The following TMEM117 variants were observed in gnomAD, a reference collection of about 807,000 sequenced individuals.
The protein encoded by TMEM117 is transmembrane protein 117.
A neutral mutation model predicts 52.4 loss-of-function variants in TMEM117; 27 were observed. That is an observed-to-expected ratio of 0.51 (90% CI 0.38 to 0.71). The LOEUF (loss-of-function observed/expected upper bound fraction) is 0.71, where lower values mean the gene tolerates loss of function less well. Among genes scored for constraint, TMEM117 ranks in the 30% least tolerant of loss-of-function variants. The pLI is 0.00. For synonymous variants in TMEM117, 215 were observed against 206.3 expected, an observed-to-expected ratio of 1.04 and a Z score of -0.36; for missense variants, 556 against 630.5, an observed-to-expected ratio of 0.88 and a Z score of 1.26.
Position 44,138,060 on chromosome 12 carries a change from G to A in TMEM117, c.411-5465G>A, listed in dbSNP as rs992914383. 4.6e-5 allele frequency among the ~76,000 whole-genome samples: 7 copies of A among 152,076 alleles called. No individual in the cohort carries two copies. The South Asian group carries it at 1.5e-3, about 32-fold the overall frequency. On this transcript the variant is annotated intron_variant, in intron 3 of 7. Transcript: ENST00000266534. ...TTTTTATTCCCACTATATAGATAAG[G>A]AAATGGATGATTATCAAAGTTGATC...
At chr12:44,330,372 A>G (rs933091863) in intron 6 of TMEM117, among the ~76,000 whole-genome samples, 2 of 152,056 alleles carry the variant, frequency 1.3e-5, no homozygotes, top group Non-Finnish European at 2.9e-5. Flanking sequence ...GCTCTGTCCA[A>G]TGGAAATACA....
chr12:44,002,321 G>T (rs116930600), intron 3 of TMEM117, among the ~76,000 whole-genome samples: 4,149 of 152,276 alleles, frequency 0.027, 79 homozygotes, highest in Middle Eastern at 0.058. Flanking sequence ...CCTAATGGAG[G>T]CCTTGGAGAT....
At chr12:44,172,679 GT>G (rs1356044503) in intron 4 of TMEM117, among the ~76,000 whole-genome samples, 1 of 152,142 alleles carries the variant, frequency 6.6e-6, no homozygotes, top group Non-Finnish European at 1.5e-5. Flanking sequence ...GTGTGCATGT[GT>G]TTTTAATTTC....
intron 7 of TMEM117, among the ~76,000 whole-genome samples, chr12:44,386,262 G>T (rs1436235666): frequency 6.6e-6 from 1 of 152,094 alleles, no homozygotes; most frequent in African/African-American, 2.4e-5. Context: ...TGTTCTACAC[G>T]GAGTCTGTTA....
intron 6 of TMEM117, among the ~76,000 whole-genome samples, chr12:44,320,173 AC>A (rs1199636564): frequency 1.3e-5 from 2 of 152,136 alleles, no homozygotes; most frequent in Non-Finnish European, 2.9e-5. Flanking sequence ...AGTCACTCAC[AC>A]CAAAAAACCT....
intron 3 of TMEM117, among the ~76,000 whole-genome samples, chr12:44,019,614 T>C (rs1592445816): frequency 6.6e-6 from 1 of 152,236 alleles, no homozygotes; most frequent in African/African-American, 2.4e-5. Context: ...TCAAGTTTTA[T>C]GTAATGTTAT....
chr12:43,917,161 G>C (rs1944617948), intron 2 of TMEM117, among the ~76,000 whole-genome samples: 1 of 151,594 alleles, frequency 6.6e-6, no homozygotes, highest in Non-Finnish European at 1.5e-5. Flanking sequence ...TGGAGGCCAT[G>C]GTGGGAAGAT....
At chr12:44,021,351 T>A (rs1946453034) in intron 3 of TMEM117, among the ~76,000 whole-genome samples, 1 of 152,176 alleles carries the variant, frequency 6.6e-6, no homozygotes. Flanking sequence ...CACTTGTAAG[T>A]GAGAACGTGC....
intron 3 of TMEM117, among the ~76,000 whole-genome samples, chr12:44,129,806 A>C (rs1485516367): frequency 6.6e-6 from 1 of 152,214 alleles, no homozygotes; most frequent in South Asian, 2.1e-4. Flanking sequence ...AGAAACTGAA[A>C]CAATCTAGTT....
the TMEM117 span, among the ~76,000 whole-genome samples, chr12:43,827,924 C>A: frequency 6.6e-6 from 1 of 152,058 alleles, no homozygotes; most frequent in Non-Finnish European, 1.5e-5. Flanking sequence ...GAAGAGAGGA[C>A]GCGTGAAGAT....
chr12:44,245,154 A>G (rs1950112998), intron 5 of TMEM117, among the ~76,000 whole-genome samples: 2 of 152,012 alleles, frequency 1.3e-5, no homozygotes, highest in African/African-American at 4.8e-5. Flanking sequence ...TTGGATCAAG[A>G]CTGCTTTGAC....
At chr12:44,260,757 C>T (rs1367651281) in intron 5 of TMEM117, among the ~76,000 whole-genome samples, 1 of 152,172 alleles carries the variant, frequency 6.6e-6, no homozygotes, top group Non-Finnish European at 1.5e-5. Context: ...ATCCTCCACC[C>T]CTTCCCACCC....
At chr12:44,118,201 CAAAT>C (rs1250359480) in intron 3 of TMEM117, among the ~76,000 whole-genome samples, 1 of 151,976 alleles carries the variant, frequency 6.6e-6, no homozygotes, top group African/African-American at 2.4e-5. Flanking sequence ...TGAAGAAAGA[CAAAT>C]AAATAAAAGG....
At chr12:44,352,550 G>GT (rs1951579252) in intron 6 of TMEM117, among the ~76,000 whole-genome samples, 1 of 152,052 alleles carries the variant, frequency 6.6e-6, no homozygotes, top group South Asian at 2.1e-4. Flanking sequence ...GCAGTGTTTG[G>GT]TTTTTTGTCC....
chr12:44,008,783 CT>C, intron 3 of TMEM117: 5 of 443,244 alleles, frequency 1.1e-5, no homozygotes, highest in South Asian at 3.8e-5. Flanking sequence ...CTGAATGAAT[CT>C]TTTTCCACAT....
chr12:43,805,983 C>A, the TMEM117 span: 20 of 1,541,182 alleles, frequency 1.3e-5, no homozygotes, highest in Non-Finnish European at 1.7e-5. Context: ...TTCCTTCGCT[C>A]CCCCGAATTT....
chr12:44,312,268 C>G (rs994235346), intron 6 of TMEM117, among the ~76,000 whole-genome samples: 3 of 151,998 alleles, frequency 2.0e-5, no homozygotes, highest in Admixed American at 6.6e-5. Flanking sequence ...CCCTTCCCTT[C>G]CCTCTCTAGT....
chr12:44,008,985 G>A (rs1166346554), intron 3 of TMEM117: 1 of 367,046 alleles, frequency 2.7e-6, no homozygotes, highest in Non-Finnish European at 5.4e-6. Context: ...TAGGTCTTCT[G>A]TTTAGTGTGA....
At chr12:44,101,110 G>A (rs1217286355) in intron 3 of TMEM117, among the ~76,000 whole-genome samples, 2 of 151,814 alleles carry the variant, frequency 1.3e-5, no homozygotes, top group Admixed American at 6.6e-5. Context: ...TTTTAGAAGA[G>A]CACTAATCCC....
Sources: gnomAD v4.1 joint callset for allele counts (sites outside exome capture counted in the v4.1 genomes callset) on GRCh38, gnomAD v4.1.1 for gene constraint, MANE v1.5 for transcripts, NCBI Gene and HGNC (gene_info 2026-07-23, HGNC 2026-07-21) for gene names.